The following CHFR variants were observed in gnomAD, a reference collection of about 807,000 sequenced individuals.
CHFR encodes E3 ubiquitin-protein ligase CHFR.
CHFR carries 57 observed loss-of-function variants against 87.6 expected under a neutral mutation model. That is an observed-to-expected ratio of 0.65 (90% CI 0.53 to 0.81). The LOEUF (loss-of-function observed/expected upper bound fraction) is 0.81, where lower values mean the gene tolerates loss of function less well. CHFR is among the 30% of genes least tolerant of loss of function. CHFR has a pLI of 0.00. For missense variants in CHFR, 797 were observed against 865.8 expected (o/e 0.92, Z 1.00); for synonymous variants, 381 against 359.2 (o/e 1.06, Z -0.69).
rs374375176 is a variant in CHFR at position 132,859,254 on chromosome 12, C to T, written c.752-27G>A. The T allele has an allele frequency of 8.8e-6, 14 of 1,594,726 alleles. No homozygotes were observed. In the African/African-American group the frequency reaches 9.4e-5, roughly 11 times the overall value. ...TACAGGAGAAAGGGATGTGTTCTGT[C>T]GTAACCAAGAAGGAAATACACGCAG... On this transcript the variant is annotated intron_variant, in intron 7 of 17. Transcript: ENST00000450056.
chr12:132,856,456 G>A lies in CHFR; in HGVS notation c.1229+12C>T. 1 of 1,613,470 alleles carries A rather than the reference G, an allele frequency of 6.2e-7. No homozygotes were observed. The highest frequency in any genetic ancestry group is 8.5e-7 in the Non-Finnish European group (1 of 1,179,936). On this transcript the variant is annotated intron_variant, in intron 10 of 17. Coordinates refer to ENST00000450056, the MANE Select transcript of CHFR (RefSeq NM_001161346.2). ...CTCACACACTCTGCTCTGAGCCAGG[G>A]GCATGATTTACCTAATGTCTGAGGA...
At chr12:132,841,955 A>T (rs934024897) in intron 17 of CHFR, among the ~76,000 whole-genome samples, 36 of 152,172 alleles carry the variant, frequency 2.4e-4, no homozygotes, top group South Asian at 4.2e-4. Flanking sequence ...AAAAATATTT[A>T]AAAAATTAGC....
At chr12:132,868,358 C>T (rs1365745455) in intron 6 of CHFR, among the ~76,000 whole-genome samples, 3 of 152,106 alleles carry the variant, frequency 2.0e-5, no homozygotes, top group African/African-American at 7.2e-5. Context: ...GGCGTGGTGA[C>T]GGGTGCCTGT....
Position 132,853,451 on chromosome 12 carries a change from G to A in CHFR, c.1352C>T (p.Thr451Met), listed in dbSNP as rs769933100. ...CTCACCTGTCGTCAGGCTGACGGAC[G>A]TGGAGGGTGCATCCCCCAGGGCCTG... ...APQALGDAPSTSVSLTTAVQD... is the reference protein window; with the variant it reads ...APQALGDAPSMSVSLTTAVQD... The change falls in exon 11 of 18, where the codon ACG becomes ATG. Residue 451 changes from threonine (T) to methionine (M), a missense_variant. Physicochemically the swap from Thr to Met is moderately conservative, Grantham distance 81. This residue lies in a region of CHFR where 597 missense variants were observed against 601.2 expected (regional missense o/e 0.99). Transcript: ENST00000450056. The A allele has an allele frequency of 2.0e-5, 31 of 1,534,224 alleles. No homozygotes were observed. In the South Asian group the frequency reaches 2.1e-4, roughly 10 times the overall value.
chr12:132,853,348 G>A (rs1950988270), intron 11 of CHFR, 83 bp downstream of exon 11: 2 of 1,349,442 alleles, frequency 1.5e-6, no homozygotes, highest in Non-Finnish European at 9.6e-7. Flanking sequence ...GGCGGGCAGA[G>A]CGCGGCCACG....
chr12:132,847,770 C>T, intron 14 of CHFR: 1 of 1,249,558 alleles, frequency 8.0e-7, no homozygotes, highest in Non-Finnish European at 1.0e-6. Flanking sequence ...AGGGCGGCAC[C>T]TTCAAGAAGC....
intron 3 of CHFR, among the ~76,000 whole-genome samples, chr12:132,872,944 CCAATG>C (rs1488743714): frequency 6.6e-6 from 1 of 152,148 alleles, no homozygotes; most frequent in Admixed American, 6.6e-5. Flanking sequence ...CAGGGAGAGG[CCAATG>C]CAGATGCTGC....
chr12:132,845,006 A>G (rs1593445567), intron 15 of CHFR, among the ~76,000 whole-genome samples: 1 of 152,238 alleles, frequency 6.6e-6, no homozygotes, highest in Non-Finnish European at 1.5e-5. Context: ...GCTATTTCTA[A>G]GTATGTCTTG....
chr12:132,862,997 C>T (rs537510682), intron 6 of CHFR, among the ~76,000 whole-genome samples: 4 of 150,672 alleles, frequency 2.7e-5, no homozygotes, highest in African/African-American at 9.7e-5. Context: ...CCCTGGTTCA[C>T]GCCATTCTCC....
chr12:132,856,163 C>T (rs1445334757), intron 10 of CHFR, among the ~76,000 whole-genome samples: 1 of 152,178 alleles, frequency 6.6e-6, no homozygotes, highest in Non-Finnish European at 1.5e-5. Flanking sequence ...CATGACGAGT[C>T]GAAGCAAAGG....
chr12:132,849,790 G>C (rs1205416254), intron 12 of CHFR: 1 of 151,786 alleles, frequency 6.6e-6, no homozygotes, highest in Non-Finnish European at 1.5e-5. Flanking sequence ...GGGTCTCACC[G>C]CGTTGGTCAG....
chr12:132,856,570 T>C lies in CHFR; in HGVS notation c.1127A>G (p.Asp376Gly). The C allele has an allele frequency of 6.2e-7, 1 of 1,614,200 alleles. No individual in the cohort carries two copies. The highest frequency in any genetic ancestry group is 8.5e-7 in the Non-Finnish European group (1 of 1,179,990). ...CCGCCTGACTTTGGGCTGCAGCATGTCTTGAGTGATTTTATTTCTGGCATC... is the reference window on the plus strand; with the variant it reads ...CCGCCTGACTTTGGGCTGCAGCATGCCTTGAGTGATTTTATTTCTGGCATC... ...SMDARNKITQ[D>G]MLQPKVRRSF... The change falls in exon 10 of 18, where the codon GAC becomes GGC. Residue 376 changes from aspartate (D) to glycine (G), a missense_variant. Asp to Gly is a moderately conservative substitution (Grantham distance 94, BLOSUM62 -1). Coordinates refer to ENST00000450056, the MANE Select transcript of CHFR (RefSeq NM_001161346.2).
chr12:132,861,628 C>T lies in CHFR; in HGVS notation c.590G>A (p.Gly197Glu). 1 of 1,614,086 alleles carries T rather than the reference C, an allele frequency of 6.2e-7. No individual in the cohort carries two copies. Among genetic ancestry groups the T allele is most frequent in the Non-Finnish European group, 8.5e-7 (1 of 1,179,974 alleles). Reference protein sequence around the residue: ...GRERSSSCGSGGGGISPKGSG... With the variant: ...GRERSSSCGSEGGGISPKGSG... ...TCCTTTAGGGGAGATGCCACCACCC[C>T]CAGACCCTGTGAGAGGAATCAAACA... is the stretch of plus-strand genomic sequence containing the variant. The change falls in exon 7 of 18, where the codon GGG (glycine) becomes GAG (glutamate). Residue 197 changes from glycine (G) to glutamate (E), a missense_variant. This residue lies in a region of CHFR where 597 missense variants were observed against 601.2 expected (regional missense o/e 0.99). Transcript: ENST00000450056.
intron 14 of CHFR, 88 bp downstream of exon 14, chr12:132,847,997 A>T (rs1406923230): frequency 6.2e-7 from 1 of 1,600,692 alleles, no homozygotes; most frequent in Non-Finnish European, 8.5e-7. Context: ...GGTAAAACAG[A>T]TAAACACCAA....
intron 3 of CHFR, among the ~76,000 whole-genome samples, chr12:132,874,875 G>A (rs886183038): frequency 8.9e-5 from 13 of 146,632 alleles, no homozygotes; most frequent in Middle Eastern, 4.2e-3. Flanking sequence ...TGGAACAGGC[G>A]GGACTGCCCA....
At chr12:132,848,809 A>C (rs1950879876) in intron 12 of CHFR, 85 bp from the exon 13 acceptor site, 1 of 1,022,140 alleles carries the variant, frequency 9.8e-7, no homozygotes, top group African/African-American at 1.6e-5. Flanking sequence ...TCAGGAGCTC[A>C]ACTCTTTCTG....
At chr12:132,847,779 G>T in intron 14 of CHFR, 1 of 1,265,792 alleles carries the variant, frequency 7.9e-7, no homozygotes, top group Non-Finnish European at 1.0e-6. Context: ...CCTTCAAGAA[G>T]CCCTCACCGA....
At chr12:132,843,964 G>A in intron 16 of CHFR, 63 bp downstream of exon 16, 3 of 1,025,420 alleles carry the variant, frequency 2.9e-6, no homozygotes, top group Admixed American at 3.9e-5. Flanking sequence ...AAAAAAGAGA[G>A]GCAGAAGCCA....
At chr12:132,867,774 A>C (rs1951378128) in intron 6 of CHFR, 1 of 152,198 alleles carries the variant, frequency 6.6e-6, no homozygotes, top group Non-Finnish European at 1.5e-5. Context: ...CCCAGACGAC[A>C]CGAAGAAAGC....
Sources: gnomAD v4.1 joint callset for allele counts (sites outside exome capture counted in the v4.1 genomes callset) on GRCh38, gnomAD v4.1.1 for gene constraint, gnomAD v4.1.1 regional missense constraint, MANE v1.5 for transcripts, NCBI Gene and HGNC (gene_info 2026-07-23, HGNC 2026-07-21) for gene names.